SUCLG2: variants seen among roughly 807,000 people sequenced by gnomAD.
The protein encoded by SUCLG2 is succinate--CoA ligase [GDP-forming] subunit beta, mitochondrial.
A neutral mutation model predicts 47.9 loss-of-function variants in SUCLG2; 42 were observed. The ratio of observed to expected loss-of-function variants is 0.88; its 90% CI spans 0.69 to 1.14. SUCLG2 has a LOEUF of 1.14. Ranked by LOEUF, SUCLG2 falls within the 50% of genes most tolerant of loss-of-function variation. SUCLG2 has a pLI of 0.00. For missense variants in SUCLG2, 571 were observed against 525.9 expected (o/e 1.09, Z -0.84); for synonymous variants, 195 against 197.3 (o/e 0.99, Z 0.10).
intron 9 of SUCLG2, among the ~76,000 whole-genome samples, chr3:67,423,605 A>C (rs75512066): frequency 7.4e-4 from 113 of 152,172 alleles, no homozygotes; most frequent in Non-Finnish European, 1.5e-3. Flanking sequence ...TTGGAGCCCA[A>C]ATACTCACAC....
intron 10 of SUCLG2, among the ~76,000 whole-genome samples, chr3:67,388,793 T>A (rs1702313324): frequency 6.6e-6 from 1 of 151,904 alleles, no homozygotes; most frequent in African/African-American, 2.4e-5. Flanking sequence ...CTATTATAGT[T>A]ATAGTAGATT....
chr3:67,393,243 G>C (rs1278024897), intron 10 of SUCLG2, among the ~76,000 whole-genome samples: 5 of 152,368 alleles, frequency 3.3e-5, no homozygotes, highest in South Asian at 2.1e-4. Flanking sequence ...GAAGTGCAAG[G>C]GGTCAGGGAG....
chr3:67,449,628 A>G (rs865852645), intron 9 of SUCLG2, among the ~76,000 whole-genome samples: 4 of 138,700 alleles, frequency 2.9e-5, no homozygotes, highest in Non-Finnish European at 4.7e-5. Context: ...ATTTTATTTT[A>G]TTTTTGAGTC....
downstream of SUCLG2, among the ~76,000 whole-genome samples, chr3:67,370,272 T>C (rs1701935571): frequency 6.6e-6 from 1 of 152,178 alleles, no homozygotes; most frequent in South Asian, 2.1e-4. Flanking sequence ...ATTAAAAATA[T>C]GTTTAATAAA....
chr3:67,440,966 T>C (rs983631951), intron 9 of SUCLG2, among the ~76,000 whole-genome samples: 4 of 152,172 alleles, frequency 2.6e-5, no homozygotes, highest in Non-Finnish European at 5.9e-5. Context: ...TAGCAAAGAC[T>C]TGGAACCAAT....
At chr3:67,650,808 G>A (rs1008300764) in intron 1 of SUCLG2, among the ~76,000 whole-genome samples, 1 of 152,226 alleles carries the variant, frequency 6.6e-6, no homozygotes, top group African/African-American at 2.4e-5. Flanking sequence ...TCTCCTACAA[G>A]AGAGCTCCAT....
intron 2 of SUCLG2, among the ~76,000 whole-genome samples, chr3:67,541,902 C>T (rs1265137092): frequency 6.7e-6 from 1 of 150,374 alleles, no homozygotes; most frequent in Non-Finnish European, 1.5e-5. Context: ...GAGTTTTGCT[C>T]TTGTTGCCCA....
chr3:67,613,871 T>C (rs1053512708), intron 1 of SUCLG2, among the ~76,000 whole-genome samples: 1 of 152,154 alleles, frequency 6.6e-6, no homozygotes, highest in Non-Finnish European at 1.5e-5. Flanking sequence ...TGATAGAGAC[T>C]GAGATAAGAG....
At chr3:67,468,538 C>A (rs1488594187) in intron 9 of SUCLG2, among the ~76,000 whole-genome samples, 16 of 152,128 alleles carry the variant, frequency 1.1e-4, no homozygotes, top group Non-Finnish European at 2.4e-4. Context: ...CACTCTGAGA[C>A]CACCATGCTA....
rs202213681 is a variant in SUCLG2, at chr3:67,629,509, G to GA, written c.85-19914_85-19913insT. Among the ~76,000 whole-genome samples, 934 of 152,212 alleles carry GA rather than the reference G, an allele frequency of 6.1e-3. 9 individuals carry two copies. Among genetic ancestry groups the GA allele is most frequent in the African/African-American group, 0.021 (875 of 41,510 alleles). Reference sequence around the variant, plus strand: ...TAGAACATGATATGGGGGAGGGGGGGGCGCCCATATGTGTTCACCAACCTG... The same window carrying GA: ...TAGAACATGATATGGGGGAGGGGGGGAGCGCCCATATGTGTTCACCAACCTG... On this transcript the variant is annotated intron_variant, in intron 1 of 10. Coordinates refer to ENST00000307227, the MANE Select transcript of SUCLG2 (RefSeq NM_003848.4).
At chr3:67,586,460 C>G (rs1227898373) in intron 2 of SUCLG2, among the ~76,000 whole-genome samples, 3 of 152,180 alleles carry the variant, frequency 2.0e-5, no homozygotes, top group Non-Finnish European at 4.4e-5. Flanking sequence ...TTCGAGAGAT[C>G]AGAAACAGGT....
intron 2 of SUCLG2, among the ~76,000 whole-genome samples, chr3:67,538,032 C>T (rs1156286513): frequency 6.6e-6 from 1 of 152,140 alleles, no homozygotes; most frequent in Non-Finnish European, 1.5e-5. Flanking sequence ...CCTGTTCACT[C>T]GGATGGTAGT....
intron 10 of SUCLG2, among the ~76,000 whole-genome samples, chr3:67,369,369 T>C (rs932853761): frequency 6.6e-6 from 1 of 152,162 alleles, no homozygotes; most frequent in Non-Finnish European, 1.5e-5. Flanking sequence ...ACAGATGCCA[T>C]GTTGTTTCTG....
intron 2 of SUCLG2, among the ~76,000 whole-genome samples, chr3:67,541,114 A>T (rs151053254): frequency 1.3e-5 from 2 of 152,330 alleles, no homozygotes; most frequent in East Asian, 3.9e-4. Flanking sequence ...CAGTACAAAA[A>T]GGCTGAAAAT....
intron 9 of SUCLG2, among the ~76,000 whole-genome samples, chr3:67,453,867 G>A (rs1325249212): frequency 6.6e-6 from 1 of 152,200 alleles, no homozygotes; most frequent in Non-Finnish European, 1.5e-5. Context: ...TTCTAGCTGT[G>A]TATGCCAGAA....
intron 2 of SUCLG2, among the ~76,000 whole-genome samples, chr3:67,575,652 A>C (rs1362492451): frequency 1.3e-5 from 2 of 152,230 alleles, no homozygotes; most frequent in African/African-American, 4.8e-5. Flanking sequence ...TATACACTTG[A>C]AATGGGTAAA....
chr3:67,591,609 C>A (rs1382631590), intron 2 of SUCLG2, among the ~76,000 whole-genome samples: 1 of 152,142 alleles, frequency 6.6e-6, no homozygotes. Context: ...CTTGCTGCCA[C>A]CATGTAAGAA....
chr3:67,507,352 A>G (rs966276501), intron 7 of SUCLG2, among the ~76,000 whole-genome samples: 1 of 152,140 alleles, frequency 6.6e-6, no homozygotes, highest in African/African-American at 2.4e-5. Flanking sequence ...TCTGAAATCT[A>G]TACTATTCCT....
chr3:67,377,067 C>A (rs997242454), intron 10 of SUCLG2, among the ~76,000 whole-genome samples: 2 of 152,222 alleles, frequency 1.3e-5, no homozygotes, highest in Admixed American at 1.3e-4. Flanking sequence ...GTATGCCAGG[C>A]ACAGTGCTAA....
Sources: allele counts gnomAD v4.1 joint callset (sites outside exome capture counted in the v4.1 genomes callset), GRCh38; gene constraint gnomAD v4.1.1; transcripts MANE v1.5; gene names NCBI Gene and HGNC (gene_info 2026-07-23, HGNC 2026-07-21).